Variants in LTN1 observed in about 807,000 individuals in gnomAD.
LTN1 encodes the protein E3 ubiquitin-protein ligase listerin.
In LTN1, 88 loss-of-function variants were observed where a neutral mutation model predicts 201.2. The ratio of observed to expected loss-of-function variants is 0.44; its 90% CI spans 0.37 to 0.52. LTN1 has a LOEUF of 0.52. Ranked by LOEUF, LTN1 falls within the 20% of genes least tolerant of loss-of-function variation. LTN1 has a pLI of 0.00. For missense variants in LTN1, 1,752 were observed against 2,038.7 expected, an observed-to-expected ratio of 0.86 and a Z score of 2.71; for synonymous variants, 645 against 713.5, an observed-to-expected ratio of 0.90 and a Z score of 1.53.
chr21:28,948,195 A>G (rs2084355521), intron 18 of LTN1, among the ~76,000 whole-genome samples: 1 of 148,692 alleles, frequency 6.7e-6, no homozygotes, highest in Non-Finnish European at 1.5e-5. Flanking sequence ...CTGTTTCAAA[A>G]AAAAAAAAAA....
rs764744164 is a variant in LTN1 at position 28,966,592 on chromosome 21, T to C, written c.1899A>G (p.Leu633=). 9 of 1,614,102 alleles carry C rather than the reference T, an allele frequency of 5.6e-6. No individual in the cohort carries two copies. In the South Asian group the frequency reaches 7.7e-5, roughly 14 times the overall value. ...CAATACTCTGTTTTTCATCACCAAG[T>C]AGCATTTTAAATACTCGGCTTGAAG... ...SFSSSRVFKM[L]LGDEKQSIVQ... is the part of the protein sequence containing the mutation. The change falls in exon 10 of 30, where the codon CTA becomes CTG. Residue 633 remains leucine, a synonymous_variant. Coordinates refer to ENST00000361371, the MANE Select transcript of LTN1 (RefSeq NM_015565.3).
intron 27 of LTN1, among the ~76,000 whole-genome samples, chr21:28,933,453 C>G (rs1302914396): frequency 2.6e-5 from 4 of 152,156 alleles, no homozygotes; most frequent in Non-Finnish European, 5.9e-5. Context: ...ATGCTACTGC[C>G]TGAATGAAAA....
At chr21:28,943,483 G>T in intron 23 of LTN1, 147 bp from the exon 24 acceptor site, 1 of 683,386 alleles carries the variant, frequency 1.5e-6, no homozygotes, top group Non-Finnish European at 2.5e-6. Flanking sequence ...CAGGACTATT[G>T]AAATATAAAT....
intron 21 of LTN1, among the ~76,000 whole-genome samples, chr21:28,945,566 T>C (rs930259394): frequency 6.6e-6 from 1 of 152,202 alleles, no homozygotes; most frequent in Non-Finnish European, 1.5e-5. Flanking sequence ...AATAAGCTAA[T>C]GGAGAAGGCA....
Position 28,981,298 on chromosome 21 carries a change from T to A in LTN1, c.631A>T (p.Thr211Ser). 1 of 1,491,806 alleles carries A rather than the reference T, an allele frequency of 6.7e-7. No individual in the cohort carries two copies. Among genetic ancestry groups the A allele is most frequent in the African/African-American group, 1.4e-5 (1 of 70,178 alleles). The allele number at this position is 1,491,806 out of a possible 1,614,324, so 92.4% of individuals were successfully genotyped here. ...GCTTCTCTTTCTTCCTCTGGAACAG[T>A]TCTTGATATAAAACAAAATAAATAT... ...ETPDTLSDPQTVPEEEREAKF... is the reference protein window; with the variant it reads ...ETPDTLSDPQSVPEEEREAKF... Residue 211 changes from threonine to serine, a missense_variant and splice_region_variant, in exon 6 of 30, where the codon ACT (threonine) becomes TCT (serine). Thr to Ser is a moderately conservative substitution (Grantham distance 58). Transcript: ENST00000361371.
rs781190771 is a variant in LTN1 at position 28,959,662 on chromosome 21, T to A, written c.2389A>T (p.Ile797Phe). ...AATAAAGTTTCATGAAGTCTAACAA[T>A]GATTCTTTCAACATATACGTCTCCA... ...LIGDVYVERI[I>F]VRLHETLFKT... The change falls in exon 13 of 30, where the codon ATT (isoleucine) becomes TTT (phenylalanine). Residue 797 changes from isoleucine (I) to phenylalanine (F), a missense_variant. By Grantham distance (21) the Ile-to-Phe change is conservative. Around this residue, in one of 3 missense-constraint regions of LTN1, gnomAD observed 1,211 missense variants for 1,312.8 expected, o/e 0.92. Transcript: ENST00000361371. The A allele has an allele frequency of 1.9e-6, 3 of 1,613,048 alleles. No homozygotes were observed. The highest frequency in any genetic ancestry group is 2.5e-6 in the Non-Finnish European group (3 of 1,179,586).
chr21:28,946,094 C>T lies in LTN1; in HGVS notation c.3623+58G>A, dbSNP rs544302751. ...TCTCTACAAAATTGTGACACAGATA[C>T]GTAATCTTTGTCTGAATTGTATACT... is the stretch of plus-strand genomic sequence containing the variant. On this transcript the variant is annotated intron_variant, in intron 20 of 29. Coordinates refer to ENST00000361371, the MANE Select transcript of LTN1 (RefSeq NM_015565.3). 1.6e-5 allele frequency: 24 copies of T among 1,489,072 alleles called. 1 individual carries two copies. The highest frequency in any genetic ancestry group is 1.4e-4 in the South Asian group (11 of 80,752). The allele number at this position is 1,489,072 out of a possible 1,614,324, so 92.2% of individuals were successfully genotyped here.
At chr21:28,960,135 G>A (rs1323340650) in intron 12 of LTN1, among the ~76,000 whole-genome samples, 1 of 152,160 alleles carries the variant, frequency 6.6e-6, no homozygotes, top group East Asian at 1.9e-4. Flanking sequence ...GGGAGGCTGA[G>A]GCAGACAGAT....
chr21:28,957,373 C>A lies in LTN1; in HGVS notation c.2851G>T (p.Asp951Tyr). ...GVYIGSVMPN[D>Y]SEWEKMRQSL... ...TGCCTCATCTTTTCCCATTCACTGT[C>A]GTTCGGCATTACACTTCCAATATAA... The change falls in exon 15 of 30, where the codon GAC (aspartate) becomes TAC (tyrosine). Residue 951 changes from aspartate to tyrosine, a missense_variant. Physicochemically the swap from Asp to Tyr is radical, Grantham distance 160 (BLOSUM62 -3). This residue lies in a region of LTN1 where 1,211 missense variants were observed against 1,312.8 expected (regional missense o/e 0.92). Transcript: ENST00000361371. 6.2e-7 allele frequency: 1 copy of A among 1,605,840 alleles called. No homozygotes were observed. The highest frequency in any genetic ancestry group is 1.1e-5 in the South Asian group (1 of 89,922).
rs1299403294 is a variant in LTN1 at position 28,943,702 on chromosome 21, C to T, written c.4185G>A (p.Arg1395=). 6.2e-7 allele frequency: 1 copy of T among 1,613,328 alleles called. No individual in the cohort carries two copies. Among genetic ancestry groups the T allele is most frequent in the East Asian group, 2.2e-5 (1 of 44,832 alleles). Residue 1395 remains arginine (R), a synonymous_variant, in exon 23 of 30, where the codon AGG becomes AGA. Transcript: ENST00000361371. ...TLAPLLLFRA[R]PVQIAVYHML... ...TATGATAAACAGCAATTTGCACAGG[C>T]CTAGCTCTGAAGAGGAGTAATGGGG... is the stretch of plus-strand genomic sequence containing the variant.
chr21:28,975,824 T>C (rs772731244), intron 6 of LTN1, among the ~76,000 whole-genome samples: 15 of 152,332 alleles, frequency 9.8e-5, no homozygotes, highest in Non-Finnish European at 1.8e-4. Flanking sequence ...AAACATATAC[T>C]TACCATATGA....
chr21:28,978,557 T>A (rs1167025084), intron 6 of LTN1, among the ~76,000 whole-genome samples: 1 of 152,124 alleles, frequency 6.6e-6, no homozygotes, highest in Admixed American at 6.6e-5. Flanking sequence ...AGCTAAAAAA[T>A]TCAAAATATA....
chr21:28,939,906 A>G (rs1336316879), intron 25 of LTN1, among the ~76,000 whole-genome samples: 1 of 152,224 alleles, frequency 6.6e-6, no homozygotes, highest in Non-Finnish European at 1.5e-5. Flanking sequence ...AAACTAATCT[A>G]TTTAACAGCT....
intron 15 of LTN1, 143 bp from the exon 16 acceptor site, chr21:28,957,091 T>A: frequency 1.5e-6 from 1 of 674,832 alleles, no homozygotes; most frequent in Non-Finnish European, 2.4e-6. Flanking sequence ...TATCAACATG[T>A]GTATTTCTTT....
At chr21:28,978,453 G>C (rs958656678) in intron 6 of LTN1, among the ~76,000 whole-genome samples, 24 of 152,156 alleles carry the variant, frequency 1.6e-4, no homozygotes, top group Admixed American at 1.6e-3. Context: ...AATGTAACTA[G>C]ATCTATACTT....
intron 25 of LTN1, among the ~76,000 whole-genome samples, chr21:28,938,943 A>G (rs1456888577): frequency 6.6e-6 from 1 of 152,172 alleles, no homozygotes; most frequent in Non-Finnish European, 1.5e-5. Flanking sequence ...ATCAATTACA[A>G]TGGGATGTTG....
At position 28,944,394 on chromosome 21, in the gene LTN1, A is replaced by G; in HGVS notation, c.3971T>C (p.Val1324Ala). 6.2e-7 allele frequency: 1 copy of G among 1,611,822 alleles called. No individual in the cohort carries two copies. Among genetic ancestry groups the G allele is most frequent in the Non-Finnish European group, 8.5e-7 (1 of 1,177,938 alleles). ...GIHSLLLPIL[V>A]TVTGENKDVS... ...CCTTTTTCACTTGCCTGTAACAGTC[A>G]CCAAAATAGGTAAAAGCAAACTGTG... Residue 1324 changes from valine (V) to alanine (A), a missense_variant, in exon 22 of 30, where the codon GTG (valine) becomes GCG (alanine). Physicochemically the swap from Val to Ala is moderately conservative, Grantham distance 64 (BLOSUM62 0). This residue lies in a region of LTN1 where 1,211 missense variants were observed against 1,312.8 expected (regional missense o/e 0.92). Transcript: ENST00000361371.
chr21:28,943,248 TA>T lies in LTN1; in HGVS notation c.4295+13del. 1 of 1,543,822 alleles carries T rather than the reference TA, an allele frequency of 6.5e-7. No individual in the cohort carries two copies. Among genetic ancestry groups the T allele is most frequent in the Non-Finnish European group, 8.9e-7 (1 of 1,122,624 alleles). On this transcript the variant is annotated intron_variant, in intron 24 of 29. Transcript: ENST00000361371. ...TAAGAATTTAATAAAACAAATTATTTAAAAAAACCTTACAAGGCTGGCTCTT... is the reference window on the plus strand; with the variant it reads ...TAAGAATTTAATAAAACAAATTATTTAAAAAACCTTACAAGGCTGGCTCTT...
At chr21:28,931,100 T>TG (rs58579273) in intron 29 of LTN1, 55 bp downstream of exon 29, 47 of 1,048,896 alleles carry the variant, frequency 4.5e-5, no homozygotes, top group South Asian at 1.4e-4. Context: ...TGTGTGTGTG[T>TG]TTATGTGTAT....
Sources: allele counts gnomAD v4.1 joint callset (sites outside exome capture counted in the v4.1 genomes callset), GRCh38; gene constraint gnomAD v4.1.1; regional missense constraint gnomAD v4.1.1; transcripts MANE v1.5; gene names NCBI Gene and HGNC (gene_info 2026-07-23, HGNC 2026-07-21).